Variants in CDC123 observed in about 807,000 individuals in gnomAD.
The protein encoded by CDC123 is translation initiation factor eIF2 assembly protein.
In CDC123, 37 loss-of-function variants were observed where a neutral mutation model predicts 54.4. The observed-to-expected ratio is 0.68, with a 90% CI of 0.52 to 0.89. The LOEUF is 0.89. Among genes scored for constraint, CDC123 ranks in the 40% least tolerant of loss-of-function variants. CDC123 has a pLI of 0.00. For synonymous variants in CDC123, 144 were observed against 136.8 expected, an observed-to-expected ratio of 1.05 and a Z score of -0.37; for missense variants, 361 against 412.1, an observed-to-expected ratio of 0.88 and a Z score of 1.07.
chr10:12,249,122 T>G (rs1836201029), intron 11 of CDC123, among the ~76,000 whole-genome samples: 1 of 112,410 alleles, frequency 8.9e-6, no homozygotes, highest in Admixed American at 9.5e-5. Flanking sequence ...AGCGAGACTT[T>G]GCCTCAAAAA....
chr10:12,196,263 G>A lies in CDC123; in HGVS notation c.18G>A (p.Val6=). The change falls in exon 1 of 13, where the codon GTG becomes GTA. Residue 6 remains valine (V), a synonymous_variant. Coordinates refer to ENST00000281141, the MANE Select transcript of CDC123 (RefSeq NM_006023.3). Reference sequence around the variant, plus strand: ...GCTGGAGGATGAAGAAGGAGCATGTGCTTCACTGCCAGTTCTCCGCGTGGT... The same window carrying A: ...GCTGGAGGATGAAGAAGGAGCATGTACTTCACTGCCAGTTCTCCGCGTGGT... MKKEH[V]LHCQFSAWYP... is the part of the protein sequence containing the mutation. 1 of 1,613,950 alleles carries A rather than the reference G, an allele frequency of 6.2e-7. No homozygotes were observed. Among genetic ancestry groups the A allele is most frequent in the Non-Finnish European group, 8.5e-7 (1 of 1,179,898 alleles).
intron 10 of CDC123, among the ~76,000 whole-genome samples, chr10:12,244,467 G>A (rs1836101815): frequency 6.6e-6 from 1 of 152,164 alleles, no homozygotes; most frequent in African/African-American, 2.4e-5. Flanking sequence ...CCCCCGCTCT[G>A]TGCGTGTCAG....
At chr10:12,235,975 A>C (rs1015654099) in intron 8 of CDC123, among the ~76,000 whole-genome samples, 1 of 152,192 alleles carries the variant, frequency 6.6e-6, no homozygotes, top group Non-Finnish European at 1.5e-5. Flanking sequence ...GTGTGTTTGG[A>C]ATCTTGTCAG....
In CDC123 at chr10:12,250,496, A is replaced by G. The variant is rs748025617; in HGVS notation, c.*159A>G. ...TACATTCACCTGGGGAAAAAAACGG[A>G]GGGACTTTGCTACTTGTAAAAATAA... On this transcript the variant is annotated 3_prime_UTR_variant, in exon 13 of 13. Transcript: ENST00000281141. The G allele has an allele frequency of 4.3e-6, 3 of 705,448 alleles. No individual in the cohort carries two copies. In the South Asian group the frequency reaches 4.6e-5, roughly 11 times the overall value. The allele number at this position is 705,448 out of a possible 1,614,324, so 43.7% of individuals were successfully genotyped here.
intron 10 of CDC123, among the ~76,000 whole-genome samples, chr10:12,242,271 C>A (rs529435637): frequency 6.6e-6 from 1 of 152,296 alleles, no homozygotes; most frequent in South Asian, 2.1e-4. Context: ...GTGCCCAGGT[C>A]CTTTGGGAAG....
intron 2 of CDC123, among the ~76,000 whole-genome samples, chr10:12,208,264 G>C (rs985764058): frequency 6.6e-6 from 1 of 152,100 alleles, no homozygotes; most frequent in Admixed American, 6.6e-5. Context: ...GTTATTTGTA[G>C]TTGTGTGTTG....
chr10:12,238,581 C>T, intron 10 of CDC123, 96 bp downstream of exon 10: 2 of 1,453,070 alleles, frequency 1.4e-6, no homozygotes, highest in Non-Finnish European at 9.3e-7. Flanking sequence ...GATCCATGCT[C>T]AAAAAATATT....
chr10:12,250,376 ACC>A lies in CDC123; in HGVS notation c.*40_*41del. ...ACTGGAGAAGAGGAGGCCCCGCCCC[ACC>A]GCTCCGGGAGCTGCTCATCAGCCGC... is the stretch of plus-strand genomic sequence containing the variant. On this transcript the variant is annotated 3_prime_UTR_variant, in exon 13 of 13. Coordinates refer to ENST00000281141, the MANE Select transcript of CDC123 (RefSeq NM_006023.3). 6.5e-7 allele frequency: 1 copy of A among 1,540,252 alleles called. No individual in the cohort carries two copies. Among genetic ancestry groups the A allele is most frequent in the East Asian group, 2.3e-5 (1 of 44,408 alleles).
At chr10:12,218,831 T>C (rs1406071741) in intron 6 of CDC123, among the ~76,000 whole-genome samples, 1 of 152,248 alleles carries the variant, frequency 6.6e-6, no homozygotes, top group East Asian at 1.9e-4. Flanking sequence ...GTCAGCGTTG[T>C]AGGTGGACGG....
At chr10:12,233,278 T>C (rs866526041) in intron 7 of CDC123, among the ~76,000 whole-genome samples, 1 of 145,566 alleles carries the variant, frequency 6.9e-6, no homozygotes. Context: ...GTATTTAAAA[T>C]ACACACACAC....
intron 4 of CDC123, among the ~76,000 whole-genome samples, chr10:12,212,526 C>CT (rs1564434785): frequency 6.6e-6 from 1 of 152,210 alleles, no homozygotes; most frequent in Non-Finnish European, 1.5e-5. Context: ...TTTAAAAAGA[C>CT]TGACTATCAC....
chr10:12,250,425 C>CATCA lies in CDC123; in HGVS notation c.*88_*89insATCA. The CATCA allele has an allele frequency of 2.0e-6, 2 of 994,478 alleles. No homozygotes were observed. The highest frequency in any genetic ancestry group is 3.2e-6 in the Non-Finnish European group (2 of 615,684). The allele number at this position is 994,478 out of a possible 1,614,324, so 61.6% of individuals were successfully genotyped here. A position where few individuals can be genotyped will look rare whatever the true frequency, so the allele number is the denominator to read the frequency against. Reference sequence around the variant, plus strand: ...CCGCAACTTCCTGCCGACCCTGATGCGGGTGGGCCGAGCAGTGTGGACATC... The same window carrying CATCA: ...CCGCAACTTCCTGCCGACCCTGATGCATCAGGGTGGGCCGAGCAGTGTGGACATC... On this transcript the variant is annotated 3_prime_UTR_variant, in exon 13 of 13. Coordinates refer to ENST00000281141, the MANE Select transcript of CDC123 (RefSeq NM_006023.3).
At chr10:12,206,418 C>G (rs1267867575) in intron 2 of CDC123, among the ~76,000 whole-genome samples, 1 of 152,258 alleles carries the variant, frequency 6.6e-6, no homozygotes, top group Non-Finnish European at 1.5e-5. Context: ...GATTCACACG[C>G]TGACAGTGTG....
intron 1 of CDC123, among the ~76,000 whole-genome samples, chr10:12,197,016 A>G (rs1300408044): frequency 6.6e-6 from 1 of 152,234 alleles, no homozygotes; most frequent in Admixed American, 6.5e-5. Context: ...CTGATTCATT[A>G]TATGATGGTT....
At chr10:12,236,658 G>A (rs1835980689) in intron 8 of CDC123, among the ~76,000 whole-genome samples, 1 of 151,788 alleles carries the variant, frequency 6.6e-6, no homozygotes, top group Non-Finnish European at 1.5e-5. Context: ...ATTTTGGGAG[G>A]CTGAGGTGGG....
intron 7 of CDC123, 34 bp from the exon 8 acceptor site, chr10:12,235,014 G>GT: frequency 6.6e-7 from 1 of 1,521,908 alleles, no homozygotes; most frequent in Non-Finnish European, 9.1e-7. Context: ...CCACATAGGT[G>GT]TGTTATATTA....
At chr10:12,227,085 C>G (rs1390332243) in intron 6 of CDC123, among the ~76,000 whole-genome samples, 1 of 152,166 alleles carries the variant, frequency 6.6e-6, no homozygotes, top group Non-Finnish European at 1.5e-5. Context: ...AAAACCCTGT[C>G]TCCACCAAAA....
At chr10:12,200,120 ATTTTT>A (rs543337462) in intron 2 of CDC123, among the ~76,000 whole-genome samples, 1,938 of 59,356 alleles carry the variant, frequency 0.033, 118 homozygotes, top group African/African-American at 0.11. Flanking sequence ...CGCACTCGGC[ATTTTT>A]TTTTTTTTTT....
chr10:12,209,737 G>A (rs1356499850), intron 2 of CDC123, among the ~76,000 whole-genome samples: 1 of 151,966 alleles, frequency 6.6e-6, no homozygotes, highest in Admixed American at 6.6e-5. Flanking sequence ...GCTAATTTCT[G>A]TGTATTTTGT....
Sources: allele counts gnomAD v4.1 joint callset (sites outside exome capture counted in the v4.1 genomes callset), GRCh38; gene constraint gnomAD v4.1.1; transcripts MANE v1.5; gene names NCBI Gene and HGNC (gene_info 2026-07-23, HGNC 2026-07-21).